Variants in UBAP1L observed in about 807,000 individuals in gnomAD.
UBAP1L encodes ubiquitin associated protein 1 like, also known as ubiquitin-associated protein 1-like.
Under a neutral mutation model 32.1 loss-of-function variants are expected in UBAP1L, and 32 were observed. The ratio of observed to expected loss-of-function variants is 1.00; its 90% CI spans 0.75 to 1.34. The LOEUF is 1.34. Among genes scored for constraint, UBAP1L ranks in the 40% most tolerant of loss-of-function variants. UBAP1L has a pLI of 0.00. For synonymous variants in UBAP1L, 243 were observed against 250.2 expected, an observed-to-expected ratio of 0.97 and a Z score of 0.27; for missense variants, 516 against 540.5, an observed-to-expected ratio of 0.95 and a Z score of 0.45.
chr15:65,104,831 C>T (rs2087286622), intron 2 of UBAP1L: 1 of 305,702 alleles, frequency 3.3e-6, no homozygotes, highest in African/African-American at 2.3e-5. Flanking sequence ...CATAGTGAAA[C>T]CCCATCTCTA....
rs1347572449 is a variant in UBAP1L at position 65,106,054 on chromosome 15, G to A, written c.120+42C>T. Reference sequence around the variant, plus strand: ...ACAAGGCCCCATGGACTCAGCCCCAGACCCACAGACCCAGAAGACAGAAAC... The same window carrying A: ...ACAAGGCCCCATGGACTCAGCCCCAAACCCACAGACCCAGAAGACAGAAAC... On this transcript the variant is annotated intron_variant, in intron 2 of 5. Coordinates refer to ENST00000559089, the MANE Select transcript of UBAP1L (RefSeq NM_001163692.2). 5.8e-6 allele frequency: 9 copies of A among 1,548,780 alleles called. No individual in the cohort carries two copies. The East Asian group carries it at 2.0e-4, about 34-fold the overall frequency.
At chr15:65,108,637 C>T (rs1010518126) in intron 1 of UBAP1L, among the ~76,000 whole-genome samples, 2 of 151,774 alleles carry the variant, frequency 1.3e-5, no homozygotes, top group African/African-American at 2.4e-5. Context: ...CCCAGCTACT[C>T]GGGAGGCTGA....
intron 4 of UBAP1L, chr15:65,098,251 C>T (rs1194266770): frequency 6.6e-6 from 1 of 152,242 alleles, no homozygotes; most frequent in Non-Finnish European, 1.5e-5. Flanking sequence ...CTCTCCTCAA[C>T]AAGACTGGTC....
rs2087136145 is a variant in UBAP1L, at chr15:65,093,103, G to A, written c.1140C>T (p.Ala380=). 1 of 1,548,056 alleles carries A rather than the reference G, an allele frequency of 6.5e-7. No homozygotes were observed. Among genetic ancestry groups the A allele is most frequent in the Admixed American group, 2.0e-5 (1 of 50,314 alleles). ...TCGTGGAGTGCCTCCGTGGTCACTGGGCACAGGCCACCAGCTCCTCCAGGG... is the reference window on the plus strand; with the variant it reads ...TCGTGGAGTGCCTCCGTGGTCACTGAGCACAGGCCACCAGCTCCTCCAGGG... The part of the protein sequence containing the change: ...EQALEELVAC[A]Q The change falls in exon 6 of 6, where the codon GCC becomes GCT. Residue 380 remains alanine (A), a synonymous_variant. Transcript: ENST00000559089.
At chr15:65,112,328 G>T (rs1254284442) in intron 1 of UBAP1L, among the ~76,000 whole-genome samples, 1 of 152,164 alleles carries the variant, frequency 6.6e-6, no homozygotes, top group African/African-American at 2.4e-5. Context: ...TGAACTTCAG[G>T]CTGAGTGCTG....
intron 1 of UBAP1L, among the ~76,000 whole-genome samples, chr15:65,108,239 C>A (rs1239885733): frequency 1.3e-5 from 2 of 151,418 alleles, no homozygotes; most frequent in African/African-American, 4.9e-5. Context: ...AAGGGAAAGT[C>A]TTTTAAATAA....
At chr15:65,100,727 C>G (rs1437615730) in intron 3 of UBAP1L, 1 of 152,232 alleles carries the variant, frequency 6.6e-6, no homozygotes, top group Non-Finnish European at 1.5e-5. Context: ...ACATGAATCC[C>G]CACCCATACG....
In UBAP1L at chr15:65,094,564, G is replaced by C. The variant is rs1381159034; in HGVS notation, c.922C>G (p.Leu308Val). The C allele has an allele frequency of 5.2e-6, 8 of 1,551,338 alleles. No individual in the cohort carries two copies. The East Asian group carries it at 2.0e-4, about 38-fold the overall frequency. Reference sequence around the variant, plus strand: ...CGTAACAGGCGGTCACAGGCACTGAGGTAGCTGAGAAACTGGGCCGGAAGC... The same window carrying C: ...CGTAACAGGCGGTCACAGGCACTGACGTAGCTGAGAAACTGGGCCGGAAGC... ...RQSLSQFLSYLSACDRLLRQG... is the reference protein window; with the variant it reads ...RQSLSQFLSYVSACDRLLRQG... The change falls in exon 5 of 6, where the codon CTC (leucine) becomes GTC (valine). Residue 308 changes from leucine to valine, a missense_variant. Physicochemically the swap from Leu to Val is conservative, Grantham distance 32 (BLOSUM62 1). Coordinates refer to ENST00000559089, the MANE Select transcript of UBAP1L (RefSeq NM_001163692.2). This position sits in a 1 kb window ranked among gnomAD's most constrained non-coding sequence, Gnocchi z 4.2.
At chr15:65,109,482 C>CAAA (rs571155403) in intron 1 of UBAP1L, among the ~76,000 whole-genome samples, 716 of 62,324 alleles carry the variant, frequency 0.011, 38 homozygotes, top group Non-Finnish European at 0.014. Flanking sequence ...GAATCTGTCT[C>CAAA]AAAAAAAAAA....
intron 1 of UBAP1L, among the ~76,000 whole-genome samples, chr15:65,111,058 T>G (rs2087366769): frequency 6.6e-6 from 1 of 152,220 alleles, no homozygotes; most frequent in African/African-American, 2.4e-5. Context: ...TGTTAGTGTC[T>G]TGCTGTATAT....
intron 1 of UBAP1L, among the ~76,000 whole-genome samples, chr15:65,112,164 G>A (rs2087373252): frequency 6.6e-6 from 1 of 152,190 alleles, no homozygotes. Context: ...CCTTGACCCT[G>A]GAAGGTGAAA....
Position 65,094,616 on chromosome 15 carries a change from G to A in UBAP1L, c.910-40C>T. 1 of 1,459,184 alleles carries A rather than the reference G, an allele frequency of 6.9e-7. No individual in the cohort carries two copies. Among genetic ancestry groups the A allele is most frequent in the Non-Finnish European group, 9.4e-7 (1 of 1,064,774 alleles). 90.4% of individuals were successfully genotyped at this position (1,459,184 alleles called of 1,614,324 possible). ...GGCAGAGAGGGAGGGAGGGTAAGAG[G>A]AGCAGCCGGGGCAGCAGACAGGGCA... On this transcript the variant is annotated intron_variant, in intron 4 of 5. Transcript: ENST00000559089. This position sits in a 1 kb window ranked among gnomAD's most constrained non-coding sequence, Gnocchi z 4.2.
In UBAP1L at chr15:65,094,709, C is replaced by A; in HGVS notation, c.910-133G>T. ...GCAAGCCACCACCTGCAGCGTGGCCCCAGAGAGCCCGTGAACCCACAGAAG... is the reference window on the plus strand; with the variant it reads ...GCAAGCCACCACCTGCAGCGTGGCCACAGAGAGCCCGTGAACCCACAGAAG... On this transcript the variant is annotated intron_variant, in intron 4 of 5. Coordinates refer to ENST00000559089, the MANE Select transcript of UBAP1L (RefSeq NM_001163692.2). This position sits in a 1 kb window ranked among gnomAD's most constrained non-coding sequence, Gnocchi z 4.2. The A allele has an allele frequency of 1.4e-6, 1 of 706,506 alleles. No individual in the cohort carries two copies. The highest frequency in any genetic ancestry group is 2.5e-6 in the Non-Finnish European group (1 of 397,838). 43.8% of individuals were successfully genotyped at this position (706,506 alleles called of 1,614,324 possible).
chr15:65,109,156 C>CAA (rs564699668), intron 1 of UBAP1L, among the ~76,000 whole-genome samples: 1 of 70,054 alleles, frequency 1.4e-5, no homozygotes, highest in Non-Finnish European at 2.9e-5. Context: ...GACTCTGTCT[C>CAA]AAAAAAAAAA....
intron 4 of UBAP1L, chr15:65,096,412 T>C (rs1055797180): frequency 4.6e-5 from 7 of 152,230 alleles, no homozygotes; most frequent in African/African-American, 1.7e-4. Context: ...TGATCTATAC[T>C]ATGCCACAGT....
intron 2 of UBAP1L, chr15:65,105,009 T>TAAAA (rs750257442): frequency 1.2e-4 from 10 of 85,078 alleles, no homozygotes; most frequent in South Asian, 2.2e-4. Flanking sequence ...CTGTCTCAAA[T>TAAAA]GAAAAAAAAA....
chr15:65,093,454 T>C (rs1347940971), intron 5 of UBAP1L, among the ~76,000 whole-genome samples: 2 of 152,232 alleles, frequency 1.3e-5, no homozygotes, highest in Non-Finnish European at 2.9e-5. Flanking sequence ...GGCCCCAGCC[T>C]GGCCATGGGC....
chr15:65,105,557 G>T, intron 2 of UBAP1L: 1 of 551,636 alleles, frequency 1.8e-6, no homozygotes, highest in South Asian at 1.7e-5. Context: ...CATTTGACCT[G>T]GAGAACCCCA....
At position 65,102,143 on chromosome 15, in the gene UBAP1L, G is replaced by A. The variant is rs559319947; in HGVS notation, c.662C>T (p.Ala221Val). 13 of 1,210,300 alleles carry A rather than the reference G, an allele frequency of 1.1e-5. No homozygotes were observed. The Admixed American group carries it at 4.8e-4, about 45-fold the overall frequency. The allele number at this position is 1,210,300 out of a possible 1,614,324, so 75.0% of individuals were successfully genotyped here. ...CTTGTGGCTCCGCAGCGGGGGGATG[G>A]CGCCTGCCGTGGAGGGCCGCGGGGG... ...ASPPRPSTAG[A>V]IPPLRSHKPT... Residue 221 changes from alanine to valine, a missense_variant, in exon 3 of 6, where the codon GCC becomes GTC. Ala to Val is a moderately conservative substitution (Grantham distance 64). Coordinates refer to ENST00000559089, the MANE Select transcript of UBAP1L (RefSeq NM_001163692.2). The surrounding 1 kb of genome is among the most constrained non-coding windows in gnomAD (Gnocchi z 5.0).
Sources: allele counts gnomAD v4.1 joint callset (sites outside exome capture counted in the v4.1 genomes callset), GRCh38; gene constraint gnomAD v4.1.1; non-coding constraint Gnocchi (gnomAD v3.1); transcripts MANE v1.5; gene names NCBI Gene and HGNC (gene_info 2026-07-23, HGNC 2026-07-21).